Variants in GABRB1 observed in about 807,000 individuals in gnomAD.
GABRB1 encodes the protein gamma-aminobutyric acid receptor subunit beta-1.
A neutral mutation model predicts 51.6 loss-of-function variants in GABRB1; 17 were observed. The observed-to-expected ratio is 0.33, with a 90% CI of 0.23 to 0.49. The LOEUF (loss-of-function observed/expected upper bound fraction) is 0.49, where lower values mean the gene tolerates loss of function less well. Ranked by LOEUF, GABRB1 falls within the 20% of genes least tolerant of loss-of-function variation. The pLI, the probability that GABRB1 is intolerant of heterozygous loss-of-function variation, is 0.99. For missense variants in GABRB1, 410 were observed against 600.6 expected (o/e 0.68, Z 3.32); for synonymous variants, 247 against 218.9 (o/e 1.13, Z -1.14).
chr4:47,015,481 C>G (rs1201349313), intron 1 of GABRB1, among the ~76,000 whole-genome samples: 4 of 151,936 alleles, frequency 2.6e-5, no homozygotes, highest in African/African-American at 7.3e-5. Flanking sequence ...AAACAAGACT[C>G]CTTTTCCTTT....
chr4:47,277,555 C>A lies in GABRB1; in HGVS notation c.462-42572C>A, dbSNP rs528852088. ...GGATAAATGGTTGAGGGGTTGAATA[C>A]CCCAGTCTCCATGATGTGTTTATTT... On this transcript the variant is annotated intron_variant, in intron 4 of 8. Coordinates refer to ENST00000295454, the MANE Select transcript of GABRB1 (RefSeq NM_000812.4). 2.2e-3 allele frequency among the ~76,000 whole-genome samples: 333 copies of A among 152,074 alleles called. 2 individuals carry two copies. The highest frequency in any genetic ancestry group is 7.0e-3 in the African/African-American group (291 of 41,504).
In GABRB1 at chr4:47,324,019, A is replaced by G. The variant is rs16860114; in HGVS notation, c.544+3810A>G. ...ATAGCCACAAGCATCATGGATGTGG[A>G]AAGAGCTTGGAGTAATAATGATGAA... On this transcript the variant is annotated intron_variant, in intron 5 of 8. Coordinates refer to ENST00000295454, the MANE Select transcript of GABRB1 (RefSeq NM_000812.4). Among the ~76,000 whole-genome samples, 1,121 of 152,272 alleles carry G rather than the reference A, an allele frequency of 7.4e-3. 16 individuals carry two copies. The highest frequency in any genetic ancestry group is 0.025 in the African/African-American group (1,058 of 41,548).
Position 47,032,397 on chromosome 4 carries a change from G to A in GABRB1, c.173-20G>A. ...GTCACTGAGAGAATCTGTTCCTAAT[G>A]TGGCCCACCTCCCCGGCAGGGCCCC... is the stretch of plus-strand genomic sequence containing the variant. On this transcript the variant is annotated intron_variant, in intron 2 of 8. Coordinates refer to ENST00000295454, the MANE Select transcript of GABRB1 (RefSeq NM_000812.4). 6.4e-7 allele frequency: 1 copy of A among 1,570,384 alleles called. No homozygotes were observed. The highest frequency in any genetic ancestry group is 8.7e-7 in the Non-Finnish European group (1 of 1,155,250).
intron 3 of GABRB1, among the ~76,000 whole-genome samples, chr4:47,131,704 C>G (rs1310014609): frequency 6.6e-6 from 1 of 152,058 alleles, no homozygotes; most frequent in Non-Finnish European, 1.5e-5. Flanking sequence ...GGTAAAAGAA[C>G]CAATACCTGG....
At chr4:47,405,527 G>A (rs192359744) in intron 7 of GABRB1, among the ~76,000 whole-genome samples, 2 of 151,980 alleles carry the variant, frequency 1.3e-5, no homozygotes, top group African/African-American at 4.8e-5. Flanking sequence ...ACATTTCTAT[G>A]CTCTTTTGAC....
chr4:47,028,117 T>C (rs997630617), upstream of GABRB1, among the ~76,000 whole-genome samples: 1 of 151,810 alleles, frequency 6.6e-6, no homozygotes, highest in Non-Finnish European at 1.5e-5. Flanking sequence ...TGATTACTAC[T>C]GAGCTTGAAA....
intron 3 of GABRB1, among the ~76,000 whole-genome samples, chr4:47,077,979 A>ATTATATATATTATATATATATTTT (rs1560523738): frequency 2.6e-4 from 10 of 37,892 alleles, no homozygotes; most frequent in East Asian, 2.5e-3. Flanking sequence ...TTTTATATAT[A>ATTATATATATTATATATATATTTT]ATATATAATA....
Position 47,206,286 on chromosome 4 carries a change from A to G in GABRB1, c.461+44817A>G, listed in dbSNP as rs187166811. Among the ~76,000 whole-genome samples, 151 of 152,188 alleles carry G rather than the reference A, an allele frequency of 9.9e-4. No homozygotes were observed. The South Asian group carries it at 0.016, about 16-fold the overall frequency. ...GTTTTAAAATTCATGGAAGCTCTAAATCCTCTCACAGTCTATAAATAATCC... is the reference window on the plus strand; with the variant it reads ...GTTTTAAAATTCATGGAAGCTCTAAGTCCTCTCACAGTCTATAAATAATCC... On this transcript the variant is annotated intron_variant, in intron 4 of 8. Coordinates refer to ENST00000295454, the MANE Select transcript of GABRB1 (RefSeq NM_000812.4).
chr4:47,362,588 C>A (rs1404036582), intron 5 of GABRB1, among the ~76,000 whole-genome samples: 1 of 151,994 alleles, frequency 6.6e-6, no homozygotes, highest in Admixed American at 6.6e-5. Flanking sequence ...TATAGTGATC[C>A]ATTAACCTGG....
intron 3 of GABRB1, among the ~76,000 whole-genome samples, chr4:47,143,633 C>A (rs1158554458): frequency 6.6e-6 from 1 of 151,968 alleles, no homozygotes; most frequent in Non-Finnish European, 1.5e-5. Context: ...CTCTCTATAG[C>A]TGGATCAGAT....
intron 3 of GABRB1, among the ~76,000 whole-genome samples, chr4:47,134,411 T>TA (rs1293555048): frequency 4.6e-5 from 7 of 152,034 alleles, no homozygotes; most frequent in Non-Finnish European, 1.0e-4. Context: ...GAAAAACAAA[T>TA]AATAGATTGA....
upstream of GABRB1, chr4:47,031,555 A>G (rs558256427): frequency 1.9e-5 from 19 of 983,722 alleles, no homozygotes; most frequent in East Asian, 4.0e-4. Context: ...CGCTCTGCGC[A>G]TGCGCAGGTC....
intron 4 of GABRB1, among the ~76,000 whole-genome samples, chr4:47,268,066 A>T (rs1722710393): frequency 6.6e-6 from 1 of 152,304 alleles, no homozygotes; most frequent in East Asian, 1.9e-4. Flanking sequence ...CAGAACTGGA[A>T]TCTACAGAAA....
chr4:47,407,962 T>C (rs1728633239), intron 8 of GABRB1, among the ~76,000 whole-genome samples: 1 of 152,028 alleles, frequency 6.6e-6, no homozygotes, highest in Admixed American at 6.6e-5. Context: ...CATTGTGGTG[T>C]TTGCCTGTAG....
chr4:47,425,746 A>T lies in GABRB1; in HGVS notation c.1153A>T (p.Thr385Ser). 6.2e-7 allele frequency: 1 copy of T among 1,614,164 alleles called. No homozygotes were observed. Among genetic ancestry groups the T allele is most frequent in the Non-Finnish European group, 8.5e-7 (1 of 1,180,006 alleles). ...TGAGACGAGTGGCTCGGAAGTGCTC[A>T]CGAGCGTGAGCGACCCCAAGGCCAC... ...RNETSGSEVL[T>S]SVSDPKATMY... Residue 385 changes from threonine (T) to serine (S), a missense_variant, in exon 9 of 9, where the codon ACG (threonine) becomes TCG (serine). Physicochemically the swap from Thr to Ser is moderately conservative, Grantham distance 58. Coordinates refer to ENST00000295454, the MANE Select transcript of GABRB1 (RefSeq NM_000812.4).
At chr4:47,236,947 GA>G in intron 4 of GABRB1, among the ~76,000 whole-genome samples, 1 of 152,026 alleles carries the variant, frequency 6.6e-6, no homozygotes, top group Non-Finnish European at 1.5e-5. Context: ...AGAAATTTCA[GA>G]AAACAAAACA....
At chr4:47,414,275 T>C (rs1171332830) in intron 8 of GABRB1, among the ~76,000 whole-genome samples, 1 of 152,212 alleles carries the variant, frequency 6.6e-6, no homozygotes, top group East Asian at 1.9e-4. Flanking sequence ...CGTCGACATG[T>C]GCCCAAGGTG....
At chr4:47,199,535 C>T (rs1188842642) in intron 4 of GABRB1, among the ~76,000 whole-genome samples, 1 of 151,970 alleles carries the variant, frequency 6.6e-6, no homozygotes, top group Non-Finnish European at 1.5e-5. Flanking sequence ...AATTTTATAC[C>T]AGCAGCAACG....
At chr4:47,425,055 A>G (rs1023703539) in intron 8 of GABRB1, among the ~76,000 whole-genome samples, 3 of 152,210 alleles carry the variant, frequency 2.0e-5, no homozygotes, top group African/African-American at 7.2e-5. Context: ...CTATAATACT[A>G]CAAAGTAAAA....
Sources: allele counts gnomAD v4.1 joint callset (sites outside exome capture counted in the v4.1 genomes callset), GRCh38; gene constraint gnomAD v4.1.1; transcripts MANE v1.5; gene names NCBI Gene and HGNC (gene_info 2026-07-23, HGNC 2026-07-21).